The following CNTN5 variants were observed in gnomAD, a reference collection of about 807,000 sequenced individuals.
CNTN5 encodes the protein contactin-5.
CNTN5 carries 77 observed loss-of-function variants against 129.1 expected under a neutral mutation model. The observed-to-expected ratio is 0.60, with a 90% confidence interval of 0.50 to 0.72. CNTN5 has a LOEUF of 0.72. CNTN5 is among the 30% of genes least tolerant of loss of function. The pLI is 0.00. For synonymous variants in CNTN5, 509 were observed against 465.6 expected (o/e 1.09, Z -1.20); for missense variants, 1,478 against 1,328.8 (o/e 1.11, Z -1.75).
At chr11:99,390,040 G>C (rs545918681) in intron 2 of CNTN5, among the ~76,000 whole-genome samples, 1 of 152,236 alleles carries the variant, frequency 6.6e-6, no homozygotes, top group African/African-American at 2.4e-5. Flanking sequence ...ATAGCACAAT[G>C]CCTGACATAT....
intron 15 of CNTN5, among the ~76,000 whole-genome samples, chr11:100,215,562 AT>A (rs1373564470): frequency 6.6e-6 from 1 of 152,208 alleles, no homozygotes; most frequent in East Asian, 1.9e-4. Flanking sequence ...TTCAGCCGTA[AT>A]AAAATAGAGT....
chr11:100,340,718 C>A (rs962295764), intron 22 of CNTN5, 69 bp downstream of exon 22: 2 of 1,345,072 alleles, frequency 1.5e-6, no homozygotes, highest in African/African-American at 2.9e-5. Flanking sequence ...CTCAAAGCCA[C>A]GTGAGGTGCA....
rs1355053218 is a variant in CNTN5, at chr11:99,314,184, T to C, written c.-209-11162T>C. 3.9e-5 allele frequency among the ~76,000 whole-genome samples: 6 copies of C among 152,138 alleles called. No homozygotes were observed. The East Asian group carries it at 1.2e-3, about 29-fold the overall frequency. On this transcript the variant is annotated intron_variant, in intron 1 of 24. Coordinates refer to ENST00000524871, the MANE Select transcript of CNTN5 (RefSeq NM_014361.4). ...AGCTTCTGGGTGGCATAACATAATATATAAAAAATTATGCCATGTAAATTT... is the reference window on the plus strand; with the variant it reads ...AGCTTCTGGGTGGCATAACATAATACATAAAAAATTATGCCATGTAAATTT...
chr11:100,038,282 G>A (rs1942150148), intron 9 of CNTN5, among the ~76,000 whole-genome samples: 2 of 152,270 alleles, frequency 1.3e-5, no homozygotes, highest in African/African-American at 4.8e-5. Flanking sequence ...GCGGTTTTGA[G>A]TGAGTTTCTT....
chr11:100,051,322 T>C (rs1452719124), intron 9 of CNTN5, among the ~76,000 whole-genome samples: 1 of 152,010 alleles, frequency 6.6e-6, no homozygotes, highest in Admixed American at 6.6e-5. Flanking sequence ...AAAATTAAAT[T>C]ATGTATCAAT....
intron 9 of CNTN5, among the ~76,000 whole-genome samples, chr11:100,019,024 G>A (rs1164643776): frequency 6.6e-6 from 1 of 151,850 alleles, no homozygotes; most frequent in Non-Finnish European, 1.5e-5. Context: ...TTGCGTGAGA[G>A]TTGTTTAAAA....
chr11:100,043,126 A>G (rs866851900), intron 9 of CNTN5, among the ~76,000 whole-genome samples: 5 of 152,210 alleles, frequency 3.3e-5, no homozygotes, highest in Non-Finnish European at 7.4e-5. Flanking sequence ...AAATCTTACT[A>G]TGCTCTCAAA....
chr11:100,038,005 G>A (rs1456961350), intron 9 of CNTN5, among the ~76,000 whole-genome samples: 3 of 151,880 alleles, frequency 2.0e-5, no homozygotes, highest in African/African-American at 7.3e-5. Flanking sequence ...CTTGCCTTCT[G>A]CTAGCTTTTG....
intron 3 of CNTN5, among the ~76,000 whole-genome samples, chr11:99,711,161 A>C (rs570452726): frequency 1.6e-4 from 24 of 152,042 alleles, no homozygotes; most frequent in South Asian, 6.2e-4. Context: ...CCTGATTTTA[A>C]AAAAGTCACC....
intron 13 of CNTN5, among the ~76,000 whole-genome samples, chr11:100,097,289 G>A (rs1034822820): frequency 6.6e-6 from 1 of 152,066 alleles, no homozygotes; most frequent in South Asian, 2.1e-4. Context: ...GAGGATGAGA[G>A]TGGTAAAGTG....
At chr11:99,144,078 C>A (rs1859661682) in intron 1 of CNTN5, among the ~76,000 whole-genome samples, 1 of 152,058 alleles carries the variant, frequency 6.6e-6, no homozygotes, top group African/African-American at 2.4e-5. Context: ...ACACTAATTT[C>A]TGGAGATTTA....
At chr11:99,760,227 T>C (rs541706095) in intron 3 of CNTN5, among the ~76,000 whole-genome samples, 1 of 152,132 alleles carries the variant, frequency 6.6e-6, no homozygotes, top group Non-Finnish European at 1.5e-5. Context: ...TAGTTAAAAA[T>C]AGAAAGTGTA....
intron 1 of CNTN5, among the ~76,000 whole-genome samples, chr11:99,323,764 T>G (rs1865667815): frequency 1.3e-5 from 2 of 152,298 alleles, no homozygotes; most frequent in African/African-American, 2.4e-5. Flanking sequence ...CGCCTAAGTT[T>G]GTAAACCTCA....
intron 1 of CNTN5, among the ~76,000 whole-genome samples, chr11:99,123,106 T>C (rs1399595810): frequency 6.6e-6 from 1 of 152,142 alleles, no homozygotes; most frequent in Non-Finnish European, 1.5e-5. Context: ...TTTAAGTTCT[T>C]TGAGAAATTG....
intron 9 of CNTN5, among the ~76,000 whole-genome samples, chr11:100,035,225 G>A (rs1051777971): frequency 1.3e-5 from 2 of 151,816 alleles, no homozygotes; most frequent in African/African-American, 4.9e-5. Flanking sequence ...GTGTGTTTGG[G>A]TTTTTGTCCT....
intron 18 of CNTN5, among the ~76,000 whole-genome samples, chr11:100,283,036 C>T (rs1168107223): frequency 6.6e-6 from 1 of 151,982 alleles, no homozygotes; most frequent in East Asian, 1.9e-4. Flanking sequence ...AAAGAGTCAA[C>T]TCCTGGGATC....
At chr11:99,267,437 TG>T (rs1862956861) in intron 1 of CNTN5, among the ~76,000 whole-genome samples, 1 of 152,068 alleles carries the variant, frequency 6.6e-6, no homozygotes, top group Non-Finnish European at 1.5e-5. Context: ...TTGGTATCTA[TG>T]TTACAGTCTA....
At chr11:99,214,085 CAG>C (rs1859983440) in intron 1 of CNTN5, among the ~76,000 whole-genome samples, 1 of 152,058 alleles carries the variant, frequency 6.6e-6, no homozygotes, top group Non-Finnish European at 1.5e-5. Flanking sequence ...ACTTACTTAA[CAG>C]AGTAAGTATG....
At chr11:100,245,784 A>C (rs1591432834) in intron 16 of CNTN5, among the ~76,000 whole-genome samples, 1 of 152,160 alleles carries the variant, frequency 6.6e-6, no homozygotes, top group South Asian at 2.1e-4. Flanking sequence ...AAGAATCAGA[A>C]TAAAACCCCG....
Sources: gnomAD v4.1 joint callset for allele counts (sites outside exome capture counted in the v4.1 genomes callset) on GRCh38, gnomAD v4.1.1 for gene constraint, MANE v1.5 for transcripts, NCBI Gene and HGNC (gene_info 2026-07-23, HGNC 2026-07-21) for gene names.